The following ATP6V1E2 variants were observed in gnomAD, a reference collection of about 807,000 sequenced individuals.
The protein encoded by ATP6V1E2 is ATPase H+ transporting V1 subunit E2.
For missense variants in ATP6V1E2, 308 were observed against 273.3 expected, an observed-to-expected ratio of 1.13 and a Z score of -0.90; for synonymous variants, 121 against 104.2, an observed-to-expected ratio of 1.16 and a Z score of -0.98.
At chr2:46,538,823 G>T (rs1452981555) in intron 2 of ATP6V1E2, among the ~76,000 whole-genome samples, 1 of 152,162 alleles carries the variant, frequency 6.6e-6, no homozygotes, top group African/African-American at 2.4e-5. Flanking sequence ...AAATTCTCAG[G>T]CAAGGCTTGG....
chr2:46,516,908 C>T (rs1039730793), intron 4 of ATP6V1E2, among the ~76,000 whole-genome samples: 13 of 152,212 alleles, frequency 8.5e-5, no homozygotes, highest in Admixed American at 5.9e-4. Context: ...CCATACTAAC[C>T]AAAATGATCC....
intron 4 of ATP6V1E2, among the ~76,000 whole-genome samples, chr2:46,521,127 A>G (rs1289342200): frequency 6.6e-6 from 1 of 152,156 alleles, no homozygotes; most frequent in Non-Finnish European, 1.5e-5. Context: ...GCTGAGGCCG[A>G]TATCAAATTC....
intron 4 of ATP6V1E2, among the ~76,000 whole-genome samples, chr2:46,533,115 T>A (rs970555296): frequency 1.3e-5 from 2 of 148,730 alleles, no homozygotes; most frequent in African/African-American, 4.9e-5. Flanking sequence ...CATTATATTA[T>A]ATATCTAATG....
intron 4 of ATP6V1E2, among the ~76,000 whole-genome samples, chr2:46,523,145 A>T (rs1444890349): frequency 6.6e-6 from 1 of 152,200 alleles, no homozygotes; most frequent in Non-Finnish European, 1.5e-5. Flanking sequence ...GACCTTTGTC[A>T]GGTGAGTAGA....
chr2:46,530,432 TCAAA>T lies in ATP6V1E2; in HGVS notation c.-102+5377_-102+5380del, dbSNP rs1042133965. On this transcript the variant is annotated intron_variant, in intron 4 of 4. Coordinates refer to ENST00000522587, the MANE Select transcript of ATP6V1E2 (RefSeq NM_001318063.2). The surrounding 1 kb of genome is among the most constrained non-coding windows in gnomAD (Gnocchi z 5.2). Reference sequence around the variant, plus strand: ...CCTTCTCCAATATTCATTTCAGAGGTCAAACAGTTTGTCATTTAGGTCTTCAAAC... The same window carrying T: ...CCTTCTCCAATATTCATTTCAGAGGTCAGTTTGTCATTTAGGTCTTCAAAC... 4.6e-5 allele frequency among the ~76,000 whole-genome samples: 7 copies of T among 152,100 alleles called. No individual in the cohort carries two copies. Among genetic ancestry groups the T allele is most frequent in the Middle Eastern group, 6.3e-3 (2 of 316 alleles).
chr2:46,526,274 C>G (rs558238294), intron 4 of ATP6V1E2, among the ~76,000 whole-genome samples: 7 of 152,146 alleles, frequency 4.6e-5, no homozygotes, highest in Admixed American at 4.6e-4. Context: ...CATCACCATG[C>G]CTGGCTAATT....
chr2:46,515,344 A>G lies in ATP6V1E2; in HGVS notation c.-101-2532T>C, dbSNP rs554925119. Among the ~76,000 whole-genome samples the G allele has an allele frequency of 1.9e-3, 282 of 152,330 alleles. 9 individuals carry two copies. The South Asian group carries it at 0.055, about 30-fold the overall frequency. On this transcript the variant is annotated intron_variant, in intron 4 of 4. Coordinates refer to ENST00000522587, the MANE Select transcript of ATP6V1E2 (RefSeq NM_001318063.2). ...AATATGTTAATGGATACATAATGTAAAAAGATGCAATTTGTGACATAAATA... is the reference window on the plus strand; with the variant it reads ...AATATGTTAATGGATACATAATGTAGAAAGATGCAATTTGTGACATAAATA...
In ATP6V1E2 at chr2:46,541,459, T is replaced by G. The variant is rs919007565; in HGVS notation, c.-373-6A>C. On this transcript the variant is annotated splice_polypyrimidine_tract_variant and splice_region_variant and intron_variant, in intron 1 of 4. Coordinates refer to ENST00000522587, the MANE Select transcript of ATP6V1E2 (RefSeq NM_001318063.2). The stretch of plus-strand genomic sequence containing the variant: ...AGTTTGAGAGTTCAGGCCTCCTGGA[T>G]AGTGAGGAACGGGAATACAACAGTG... 6 of 152,126 alleles carry G rather than the reference T, an allele frequency of 3.9e-5. No homozygotes were observed. The highest frequency in any genetic ancestry group is 7.2e-5 in the African/African-American group (3 of 41,412). The allele number at this position is 152,126 out of a possible 1,614,324, so 9.4% of individuals were successfully genotyped here.
chr2:46,530,887 C>T lies in ATP6V1E2; in HGVS notation c.-102+4926G>A, dbSNP rs75288656. Among the ~76,000 whole-genome samples the T allele has an allele frequency of 2.9e-3, 436 of 152,292 alleles. 2 individuals carry two copies. The highest frequency in any genetic ancestry group is 9.8e-3 in the African/African-American group (407 of 41,554). ...GCGCAAGAACAGCACAGGAAAAACC[C>T]AAGCCCATGATTCAGTTACTTCCCA... On this transcript the variant is annotated intron_variant, in intron 4 of 4. Transcript: ENST00000522587. The surrounding 1 kb of genome is among the most constrained non-coding windows in gnomAD (Gnocchi z 5.2).
At chr2:46,538,999 G>A (rs902462449) in intron 2 of ATP6V1E2, among the ~76,000 whole-genome samples, 7 of 152,244 alleles carry the variant, frequency 4.6e-5, no homozygotes, top group African/African-American at 1.7e-4. Flanking sequence ...ATTCAGGAAA[G>A]AGTTCTAATT....
chr2:46,537,857 C>T (rs1331542783), intron 2 of ATP6V1E2, among the ~76,000 whole-genome samples: 1 of 152,112 alleles, frequency 6.6e-6, no homozygotes, highest in East Asian at 1.9e-4. Flanking sequence ...GAGTTCTAAT[C>T]TCAGCTTGAT....
chr2:46,525,613 A>C (rs1666882054), intron 4 of ATP6V1E2, among the ~76,000 whole-genome samples: 1 of 152,160 alleles, frequency 6.6e-6, no homozygotes, highest in Admixed American at 6.5e-5. Flanking sequence ...AGGGCCTGAA[A>C]AGCTTCATCT....
intron 4 of ATP6V1E2, among the ~76,000 whole-genome samples, chr2:46,527,184 G>A (rs887937926): frequency 6.6e-6 from 1 of 152,076 alleles, no homozygotes; most frequent in Non-Finnish European, 1.5e-5. Context: ...CTCCTGAGTA[G>A]CTGGGACTAC....
chr2:46,526,364 C>T (rs1013782823), intron 4 of ATP6V1E2, among the ~76,000 whole-genome samples: 20 of 152,280 alleles, frequency 1.3e-4, no homozygotes, highest in African/African-American at 4.3e-4. Context: ...GATCCACCTG[C>T]CTCAGCCTCC....
At position 46,512,266 on chromosome 2, in the gene ATP6V1E2, T is replaced by A; in HGVS notation, c.446A>T (p.Gln149Leu). ...TGTCATGTACTCGGGGATGGCTTTT[T>A]GTACAGCAGCCTCCACCAGGAGGAG... ...QDLLLVEAAV[Q>L]KAIPEYMTIS... The change falls in exon 5 of 5, where the codon CAA becomes CTA. Residue 149 changes from glutamine to leucine, a missense_variant. Gln to Leu is a moderately radical substitution (Grantham distance 113). Transcript: ENST00000522587. 6.2e-7 allele frequency: 1 copy of A among 1,612,802 alleles called. No homozygotes were observed. The highest frequency in any genetic ancestry group is 1.3e-5 in the African/African-American group (1 of 74,976).
intron 2 of ATP6V1E2, among the ~76,000 whole-genome samples, chr2:46,540,069 T>G (rs1427588657): frequency 1.3e-5 from 2 of 152,112 alleles, no homozygotes. Flanking sequence ...AAATATGGAA[T>G]GAATTAAGTA....
In ATP6V1E2 at chr2:46,520,527, G is replaced by A. The variant is rs537999834; in HGVS notation, c.-101-7715C>T. Among the ~76,000 whole-genome samples the A allele has an allele frequency of 2.9e-4, 44 of 152,302 alleles. 1 individual carries two copies. The highest frequency in any genetic ancestry group is 5.3e-4 in the Non-Finnish European group (36 of 68,024). On this transcript the variant is annotated intron_variant, in intron 4 of 4. Transcript: ENST00000522587. The stretch of plus-strand genomic sequence containing the variant: ...CGACTGGGGCCTCCCCGCTAAAACA[G>A]CCTCATTCCCACTTAACAGCTTTGG...
intron 4 of ATP6V1E2, among the ~76,000 whole-genome samples, chr2:46,516,533 G>C (rs188263974): frequency 1.6e-4 from 24 of 152,290 alleles, no homozygotes; most frequent in African/African-American, 5.3e-4. Flanking sequence ...GTGCGAGGCT[G>C]TAATAAGCTA....
intron 2 of ATP6V1E2, among the ~76,000 whole-genome samples, chr2:46,538,237 C>CA (rs900868687): frequency 6.6e-6 from 1 of 152,164 alleles, no homozygotes; most frequent in Non-Finnish European, 1.5e-5. Flanking sequence ...CTATGAGTCT[C>CA]AGAGTGACCT....
Sources: allele counts gnomAD v4.1 joint callset (sites outside exome capture counted in the v4.1 genomes callset), GRCh38; gene constraint gnomAD v4.1.1; non-coding constraint Gnocchi (gnomAD v3.1); transcripts MANE v1.5; gene names NCBI Gene and HGNC (gene_info 2026-07-23, HGNC 2026-07-21).